DPF3: variants seen among roughly 807,000 people sequenced by gnomAD.
DPF3 encodes zinc finger protein DPF3.
DPF3 carries 18 observed loss-of-function variants against 56.8 expected under a neutral mutation model. The ratio of observed to expected loss-of-function variants is 0.32; its 90% CI spans 0.22 to 0.47. DPF3 has a LOEUF of 0.47. Among genes scored for constraint, DPF3 ranks in the 20% least tolerant of loss-of-function variants. The pLI is 1.00. For synonymous variants in DPF3, 188 were observed against 180.2 expected, an observed-to-expected ratio of 1.04 and a Z score of -0.35; for missense variants, 403 against 488.8, an observed-to-expected ratio of 0.82 and a Z score of 1.65.
chr14:72,747,731 A>G (rs1356152665), intron 3 of DPF3, among the ~76,000 whole-genome samples: 1 of 151,698 alleles, frequency 6.6e-6, no homozygotes, highest in Admixed American at 6.6e-5. Context: ...ACCCAGTGGG[A>G]GATGATCAAA....
At chr14:72,881,119 G>C (rs1886305439) in intron 1 of DPF3, among the ~76,000 whole-genome samples, 1 of 152,314 alleles carries the variant, frequency 6.6e-6, no homozygotes, top group South Asian at 2.1e-4. Flanking sequence ...TCATCCTCCT[G>C]CAGCTCCAAA....
chr14:72,671,227 A>G (rs1352765508), intron 8 of DPF3: 1 of 1,613,976 alleles, frequency 6.2e-7, no homozygotes, highest in Non-Finnish European at 8.5e-7. Flanking sequence ...GTCCTCATCA[A>G]AGCCGTGGAA....
intron 1 of DPF3, among the ~76,000 whole-genome samples, chr14:72,886,563 C>T (rs897220750): frequency 6.6e-6 from 1 of 152,112 alleles, no homozygotes; most frequent in Non-Finnish European, 1.5e-5. Flanking sequence ...AAATGGTACA[C>T]TGTGTGTTAT....
At chr14:72,722,140 G>A (rs1163966525) in intron 5 of DPF3, among the ~76,000 whole-genome samples, 1 of 152,194 alleles carries the variant, frequency 6.6e-6, no homozygotes, top group East Asian at 1.9e-4. Flanking sequence ...TGAGATATGT[G>A]TCAGTTAAAT....
chr14:72,671,478 T>TG, intron 8 of DPF3: 5 of 1,221,944 alleles, frequency 4.1e-6, no homozygotes, highest in Non-Finnish European at 6.0e-6. Flanking sequence ...ACCCGGTGCA[T>TG]CACCTGGTGA....
intron 2 of DPF3, among the ~76,000 whole-genome samples, chr14:72,764,484 GTTTTT>G (rs57886183): frequency 4.0e-3 from 209 of 52,748 alleles, no homozygotes; most frequent in African/African-American, 0.011. Flanking sequence ...TTCCTGAGTT[GTTTTT>G]TTTTTTTTTT....
At chr14:72,683,326 CA>C (rs56087517) in intron 7 of DPF3, among the ~76,000 whole-genome samples, 3,070 of 79,580 alleles carry the variant, frequency 0.039, 70 homozygotes, top group African/African-American at 0.087. Context: ...GACCCCATCT[CA>C]AAAAAAAAAA....
Position 72,629,689 on chromosome 14 carries a change from T to C in DPF3, c.919A>G (p.Lys307Glu). Residue 307 changes from lysine to glutamate, a missense_variant, in exon 9 of 11, where the codon AAG (lysine) becomes GAG (glutamate). Coordinates refer to ENST00000556509, the MANE Select transcript of DPF3 (RefSeq NM_001280542.3). ...TCTATGCACTGCCACTTGTAGGTCT[T>C]GACAGCCTCGGTCATGTTCAGGGTA... is the stretch of plus-strand genomic sequence containing the variant. The part of the protein sequence containing the change: ...QFTLNMTEAV[K>E]TYKWQCIECK... 6.5e-7 allele frequency: 1 copy of C among 1,536,128 alleles called. No individual in the cohort carries two copies. Among genetic ancestry groups the C allele is most frequent in the South Asian group, 1.2e-5 (1 of 84,070 alleles).
intron 2 of DPF3, among the ~76,000 whole-genome samples, chr14:72,757,743 T>C (rs958125074): frequency 1.3e-5 from 2 of 152,212 alleles, no homozygotes; most frequent in African/African-American, 4.8e-5. Flanking sequence ...GTGTAGGTTA[T>C]ATGCAAATAC....
intron 9 of DPF3, among the ~76,000 whole-genome samples, chr14:72,626,787 C>T (rs1884857382): frequency 6.6e-6 from 1 of 152,068 alleles, no homozygotes; most frequent in African/African-American, 2.4e-5. Flanking sequence ...AATTTGTATT[C>T]CCACCAACAA....
At chr14:72,873,672 C>T (rs994154780) in intron 1 of DPF3, among the ~76,000 whole-genome samples, 1 of 152,126 alleles carries the variant, frequency 6.6e-6, no homozygotes, top group African/African-American at 2.4e-5. Context: ...TGGAACCAAC[C>T]CAAATGTCCA....
chr14:72,882,070 A>G (rs1886347310), intron 1 of DPF3, among the ~76,000 whole-genome samples: 1 of 151,996 alleles, frequency 6.6e-6, no homozygotes, highest in Non-Finnish European at 1.5e-5. Context: ...TTTCTACTTG[A>G]TCTGCAAAGG....
chr14:72,792,803 C>T (rs1029615566), intron 1 of DPF3, among the ~76,000 whole-genome samples: 16 of 152,096 alleles, frequency 1.1e-4, no homozygotes, highest in African/African-American at 3.9e-4. Flanking sequence ...CTGACCTGAA[C>T]CTCTCTCCCT....
chr14:72,760,244 G>T (rs1891012444), intron 2 of DPF3, among the ~76,000 whole-genome samples: 1 of 152,182 alleles, frequency 6.6e-6, no homozygotes, highest in Admixed American at 6.5e-5. Context: ...GCCAAGGCAG[G>T]CACATCACCT....
chr14:72,867,816 G>A (rs1567263964), intron 1 of DPF3, among the ~76,000 whole-genome samples: 4 of 152,112 alleles, frequency 2.6e-5, no homozygotes, highest in Admixed American at 2.6e-4. Flanking sequence ...TCGGCTCACT[G>A]CAACCTCTAC....
chr14:72,668,426 C>T (rs1886527313), intron 8 of DPF3, among the ~76,000 whole-genome samples: 1 of 152,158 alleles, frequency 6.6e-6, no homozygotes, highest in East Asian at 1.9e-4. Context: ...TCTGGCCATG[C>T]TAAGAAACCT....
At chr14:72,718,531 AC>A (rs997233314) in intron 5 of DPF3, among the ~76,000 whole-genome samples, 3 of 152,186 alleles carry the variant, frequency 2.0e-5, no homozygotes, top group Non-Finnish European at 4.4e-5. Context: ...CGATGCTGTC[AC>A]TGTGTGTGTA....
At chr14:72,672,996 C>A (rs1886759773) in intron 8 of DPF3, among the ~76,000 whole-genome samples, 1 of 152,088 alleles carries the variant, frequency 6.6e-6, no homozygotes, top group Non-Finnish European at 1.5e-5. Flanking sequence ...ATAAAAAATT[C>A]AATGTTAGGT....
chr14:72,853,423 A>C (rs1885061158), intron 1 of DPF3: 1 of 147,974 alleles, frequency 6.8e-6, no homozygotes, highest in Non-Finnish European at 1.5e-5. Flanking sequence ...TTTTGTCCCC[A>C]TGCCTGTGCA....
Sources: gnomAD v4.1 joint callset for allele counts (sites outside exome capture counted in the v4.1 genomes callset) on GRCh38, gnomAD v4.1.1 for gene constraint, MANE v1.5 for transcripts, NCBI Gene and HGNC (gene_info 2026-07-23, HGNC 2026-07-21) for gene names.